The following CSMD1 variants were observed in gnomAD, a reference collection of about 807,000 sequenced individuals.
CSMD1 encodes the protein CUB and Sushi multiple domains 1.
CSMD1 carries 213 observed loss-of-function variants against 417.5 expected under a neutral mutation model. That is an observed-to-expected ratio of 0.51 (90% CI 0.46 to 0.57). CSMD1 has a LOEUF of 0.57. Ranked by LOEUF, CSMD1 falls within the 20% of genes least tolerant of loss-of-function variation. The probability of loss-of-function intolerance (pLI) is 0.00; values close to 1 mark genes in which losing one functional copy is unlikely to be tolerated. For synonymous variants in CSMD1, 2,862 were observed against 1,736.8 expected, an observed-to-expected ratio of 1.65 and a Z score of -16.11; for missense variants, 6,923 against 4,529.7, an observed-to-expected ratio of 1.53 and a Z score of -15.17.
intron 3 of CSMD1, among the ~76,000 whole-genome samples, chr8:4,039,140 C>T (rs1446476446): frequency 2.0e-5 from 3 of 152,196 alleles, no homozygotes; most frequent in African/African-American, 4.8e-5. Flanking sequence ...GCAGCATTTT[C>T]AACAGCATGT....
intron 2 of CSMD1, among the ~76,000 whole-genome samples, chr8:4,602,959 A>G (rs1335598885): frequency 6.6e-6 from 1 of 151,906 alleles, no homozygotes; most frequent in Non-Finnish European, 1.5e-5. Context: ...TAGATAAAAA[A>G]GAAGATATTC....
chr8:4,727,406 G>A (rs1809532052), intron 1 of CSMD1, among the ~76,000 whole-genome samples: 1 of 152,122 alleles, frequency 6.6e-6, no homozygotes, highest in Non-Finnish European at 1.5e-5. Flanking sequence ...CTCCATAAGT[G>A]CACTACCCAT....
intron 5 of CSMD1, among the ~76,000 whole-genome samples, chr8:3,913,753 G>C (rs141899028): frequency 3.9e-5 from 6 of 152,134 alleles, no homozygotes; most frequent in Non-Finnish European, 7.3e-5. Context: ...TGGGTCACAG[G>C]ATGAGTTCTT....
At chr8:4,784,021 T>TA (rs1185684962) in intron 1 of CSMD1, among the ~76,000 whole-genome samples, 3 of 152,152 alleles carry the variant, frequency 2.0e-5, no homozygotes, top group East Asian at 3.9e-4. Context: ...AAATTATGGA[T>TA]AAAAAAAGTG....
At chr8:4,067,314 G>C (rs542550774) in intron 3 of CSMD1, among the ~76,000 whole-genome samples, 18 of 152,084 alleles carry the variant, frequency 1.2e-4, no homozygotes, top group East Asian at 1.9e-4. Context: ...CTAAATTTTC[G>C]TTAAGTAACG....
At chr8:3,494,411 T>C (rs568633074) in intron 10 of CSMD1, among the ~76,000 whole-genome samples, 56 of 151,938 alleles carry the variant, frequency 3.7e-4, no homozygotes, top group Non-Finnish European at 5.9e-4. Flanking sequence ...GCCAATACTA[T>C]GAGGAAGAAA....
At chr8:3,194,898 G>C (rs962776337) in intron 33 of CSMD1, among the ~76,000 whole-genome samples, 1 of 152,074 alleles carries the variant, frequency 6.6e-6, no homozygotes, top group Admixed American at 6.6e-5. Context: ...TGGGAGAGGA[G>C]AACCCAGGTT....
intron 2 of CSMD1, among the ~76,000 whole-genome samples, chr8:4,619,898 C>G (rs142239201): frequency 6.6e-6 from 1 of 151,944 alleles, no homozygotes; most frequent in South Asian, 2.1e-4. Context: ...AATATTAGTA[C>G]TGGGCCAATC....
At chr8:2,968,125 T>G (rs1368608588) in intron 57 of CSMD1, among the ~76,000 whole-genome samples, 1 of 152,218 alleles carries the variant, frequency 6.6e-6, no homozygotes, top group African/African-American at 2.4e-5. Flanking sequence ...CTTGAAAGTT[T>G]TATGATAACT....
chr8:4,982,574 C>T (rs1300179695), intron 1 of CSMD1, among the ~76,000 whole-genome samples: 11 of 152,174 alleles, frequency 7.2e-5, no homozygotes, highest in Non-Finnish European at 1.5e-4. Flanking sequence ...TTAGGTACTT[C>T]TTTCTTTCTC....
chr8:4,442,452 C>A (rs1228296), intron 2 of CSMD1, among the ~76,000 whole-genome samples: 4 of 152,006 alleles, frequency 2.6e-5, no homozygotes, highest in African/African-American at 9.7e-5. Flanking sequence ...ATAAATACAT[C>A]TACTTACATG....
At chr8:3,271,804 G>C (rs1443649161) in intron 26 of CSMD1, among the ~76,000 whole-genome samples, 1 of 151,886 alleles carries the variant, frequency 6.6e-6, no homozygotes, top group Non-Finnish European at 1.5e-5. Flanking sequence ...AAATTTGTTT[G>C]AGTTCATTAT....
intron 2 of CSMD1, among the ~76,000 whole-genome samples, chr8:4,437,243 T>G (rs1021342544): frequency 6.6e-6 from 1 of 152,246 alleles, no homozygotes; most frequent in African/African-American, 2.4e-5. Flanking sequence ...GAACTGGTTC[T>G]GAAATTAGGC....
rs185256880 is a variant in CSMD1 at position 4,459,208 on chromosome 8, A to G, written c.303-39143T>C. The stretch of plus-strand genomic sequence containing the variant: ...TGGCCAACAGGCCATGTCGCTTTCA[A>G]GTTCCACCTATGTAGGAGGTATGGG... On this transcript the variant is annotated intron_variant, in intron 2 of 69. Transcript: ENST00000635120. 1.2e-3 allele frequency among the ~76,000 whole-genome samples: 182 copies of G among 152,346 alleles called. 2 individuals are homozygous for G. In the South Asian group the frequency reaches 0.014, roughly 12 times the overall value.
At chr8:3,410,532 C>A (rs539284658) in intron 12 of CSMD1, among the ~76,000 whole-genome samples, 1 of 152,252 alleles carries the variant, frequency 6.6e-6, no homozygotes, top group South Asian at 2.1e-4. Context: ...TTGCCCTGCA[C>A]AAGCTTTCTC....
chr8:4,731,366 C>G (rs569988459), intron 1 of CSMD1, among the ~76,000 whole-genome samples: 16 of 152,264 alleles, frequency 1.1e-4, no homozygotes, highest in Non-Finnish European at 1.9e-4. Flanking sequence ...CTGGAGCAAG[C>G]TGCATGTGAC....
chr8:3,305,529 G>C (rs1563250852), intron 25 of CSMD1, among the ~76,000 whole-genome samples: 1 of 152,038 alleles, frequency 6.6e-6, no homozygotes, highest in African/African-American at 2.4e-5. Flanking sequence ...CTGATAAAAG[G>C]TTAAGCTTGG....
At chr8:3,467,874 T>C (rs1356540586) in intron 12 of CSMD1, among the ~76,000 whole-genome samples, 1 of 152,226 alleles carries the variant, frequency 6.6e-6, no homozygotes, top group Non-Finnish European at 1.5e-5. Context: ...ATTCCTATGG[T>C]ATACACTTGG....
intron 3 of CSMD1, among the ~76,000 whole-genome samples, chr8:4,249,780 G>C (rs1355869588): frequency 6.6e-6 from 1 of 152,064 alleles, no homozygotes; most frequent in Non-Finnish European, 1.5e-5. Flanking sequence ...TGGGGCACTT[G>C]GGGAAATGAA....
Sources: allele counts gnomAD v4.1 joint callset (sites outside exome capture counted in the v4.1 genomes callset), GRCh38; gene constraint gnomAD v4.1.1; transcripts MANE v1.5; gene names NCBI Gene and HGNC (gene_info 2026-07-23, HGNC 2026-07-21).